RTL4: variants seen among roughly 807,000 people sequenced by gnomAD.
The protein encoded by RTL4 is retrotransposon Gag like 4.
In RTL4, 4 loss-of-function variants were observed where a neutral mutation model predicts 5.3. That is an observed-to-expected ratio of 0.75 (90% CI 0.37 to 1.72). The LOEUF (loss-of-function observed/expected upper bound fraction) is 1.72. RTL4 is among the 40% of genes most tolerant of loss of function. The pLI is 0.04. For synonymous variants in RTL4, 98 were observed against 87.3 expected, an observed-to-expected ratio of 1.12 and a Z score of -0.68; for missense variants, 260 against 227.1, an observed-to-expected ratio of 1.14 and a Z score of -0.93.
At chrX:112,421,580 C>T in the RTL4 span, among the ~76,000 whole-genome samples, 1 of 111,780 alleles carries the variant, frequency 8.9e-6, no homozygotes, top group African/African-American at 3.3e-5. Context: ...ACCTCAATCC[C>T]AAACTACTCT....
chrX:112,311,540 T>C, the RTL4 span, among the ~76,000 whole-genome samples: 2 of 110,971 alleles, frequency 1.8e-5, no homozygotes, highest in African/African-American at 6.5e-5. Flanking sequence ...TGTAAGTCCC[T>C]TAGGCCAAGA....
chrX:112,247,174 G>A, the RTL4 span, among the ~76,000 whole-genome samples: 1 of 111,664 alleles, frequency 9.0e-6, no homozygotes, highest in Non-Finnish European at 1.9e-5. Context: ...CAAAATGGCA[G>A]ACTTAAGCCT....
At chrX:112,243,578 C>T in the RTL4 span, among the ~76,000 whole-genome samples, 1 of 111,061 alleles carries the variant, frequency 9.0e-6, no homozygotes, top group Non-Finnish European at 1.9e-5. Flanking sequence ...CTATCTAATT[C>T]TACTCTCTTT....
the RTL4 span, among the ~76,000 whole-genome samples, chrX:112,393,170 T>TGTTTG: frequency 5.0e-5 from 5 of 99,233 alleles, no homozygotes; most frequent in African/African-American, 2.2e-4. Flanking sequence ...TGTTTTTTTT[T>TGTTTG]TTTGTTTGTT....
chrX:112,132,393 C>T, the RTL4 span, among the ~76,000 whole-genome samples: 1 of 111,211 alleles, frequency 9.0e-6, no homozygotes, highest in Non-Finnish European at 1.9e-5. Flanking sequence ...CCTCTGATCT[C>T]ACAAAGGGCA....
At chrX:112,146,700 C>T in the RTL4 span, among the ~76,000 whole-genome samples, 2 of 109,204 alleles carry the variant, frequency 1.8e-5, no homozygotes, top group Non-Finnish European at 3.8e-5. Flanking sequence ...CAAGTGAATC[C>T]AGGAGGAGGG....
the RTL4 span, among the ~76,000 whole-genome samples, chrX:112,357,238 T>A: frequency 9.1e-6 from 1 of 109,460 alleles, no homozygotes; most frequent in African/African-American, 3.3e-5. Flanking sequence ...GCTTAACTAC[T>A]TCACCAAAAA....
the RTL4 span, among the ~76,000 whole-genome samples, chrX:112,326,202 A>G: frequency 8.9e-6 from 1 of 111,847 alleles, no homozygotes; most frequent in African/African-American, 3.3e-5. Flanking sequence ...AGCATGAGCG[A>G]CACAGAAGAT....
At chrX:112,242,713 C>T in the RTL4 span, among the ~76,000 whole-genome samples, 1 of 111,357 alleles carries the variant, frequency 9.0e-6, no homozygotes, top group African/African-American at 3.3e-5. Flanking sequence ...ATTTCCCTGG[C>T]CAGAACTTCC....
At chrX:112,355,058 G>A in the RTL4 span, among the ~76,000 whole-genome samples, 1 of 111,424 alleles carries the variant, frequency 9.0e-6, no homozygotes, top group Non-Finnish European at 1.9e-5. Flanking sequence ...CTGCTGTTAA[G>A]TCTCTGAGAA....
At chrX:112,315,771 C>A in the RTL4 span, among the ~76,000 whole-genome samples, 1 of 111,908 alleles carries the variant, frequency 8.9e-6, no homozygotes, top group Admixed American at 9.5e-5. Context: ...ATACATCTAA[C>A]CTGATGCTAC....
At chrX:112,260,162 A>G in the RTL4 span, among the ~76,000 whole-genome samples, 6 of 111,809 alleles carry the variant, frequency 5.4e-5, no homozygotes, top group Non-Finnish European at 1.1e-4. Context: ...ACAACAATTT[A>G]TCTAGGGCTG....
At chrX:112,324,075 C>A in the RTL4 span, among the ~76,000 whole-genome samples, 1 of 112,209 alleles carries the variant, frequency 8.9e-6, no homozygotes, top group Non-Finnish European at 1.9e-5. Context: ...ATCTTGTGTA[C>A]ATTTTAAGTG....
the RTL4 span, among the ~76,000 whole-genome samples, chrX:112,112,272 G>C: frequency 8.9e-6 from 1 of 111,941 alleles, no homozygotes; most frequent in Non-Finnish European, 1.9e-5. Flanking sequence ...AAGGCTTAAG[G>C]CTGGAGCTTG....
At chrX:112,344,447 A>G in the RTL4 span, among the ~76,000 whole-genome samples, 4 of 111,950 alleles carry the variant, frequency 3.6e-5, no homozygotes, top group Non-Finnish European at 7.5e-5. Context: ...ATCATGGCAG[A>G]AGGCAAAGAG....
chrX:112,185,649 G>T, the RTL4 span, among the ~76,000 whole-genome samples: 1 of 102,112 alleles, frequency 9.8e-6, no homozygotes, highest in African/African-American at 3.6e-5. Flanking sequence ...ACACACACAC[G>T]CACACACACA....
chrX:112,407,943 G>A, the RTL4 span, among the ~76,000 whole-genome samples: 1 of 112,560 alleles, frequency 8.9e-6, no homozygotes, highest in Non-Finnish European at 1.9e-5. Flanking sequence ...GCATTACTGG[G>A]CTGGAGGTTC....
At chrX:112,393,089 C>T in the RTL4 span, among the ~76,000 whole-genome samples, 1 of 110,502 alleles carries the variant, frequency 9.0e-6, no homozygotes, top group Admixed American at 9.5e-5. Context: ...ATTGGGGGCC[C>T]GCTTATAAAA....
At chrX:112,421,802 A>G in the RTL4 span, among the ~76,000 whole-genome samples, 1 of 112,268 alleles carries the variant, frequency 8.9e-6, no homozygotes, top group East Asian at 2.8e-4. Context: ...TTTGAGTCTG[A>G]TTTTGACTTC....
Sources: gnomAD v4.1 joint callset for allele counts (sites outside exome capture counted in the v4.1 genomes callset) on GRCh38, gnomAD v4.1.1 for gene constraint, MANE v1.5 for transcripts, NCBI Gene and HGNC (gene_info 2026-07-23, HGNC 2026-07-21) for gene names.